The following SLC25A26 variants were observed in gnomAD, a reference collection of about 807,000 sequenced individuals.
SLC25A26 encodes the protein solute carrier family 25 member 26, also known as mitochondrial S-adenosylmethionine carrier protein.
Under a neutral mutation model 37.8 loss-of-function variants are expected in SLC25A26, and 36 were observed. The ratio of observed to expected loss-of-function variants is 0.95; its 90% CI spans 0.73 to 1.26. The LOEUF (loss-of-function observed/expected upper bound fraction) is 1.26. Among genes scored for constraint, SLC25A26 ranks in the 50% most tolerant of loss-of-function variants. The pLI, the probability that SLC25A26 is intolerant of heterozygous loss-of-function variation, is 0.00. For missense variants in SLC25A26, 390 were observed against 331.1 expected (o/e 1.18, Z -1.38); for synonymous variants, 129 against 122.5 (o/e 1.05, Z -0.35).
At chr3:66,156,116 G>T (rs947024246) in intron 1 of SLC25A26, among the ~76,000 whole-genome samples, 2 of 152,160 alleles carry the variant, frequency 1.3e-5, no homozygotes, top group African/African-American at 4.8e-5. Flanking sequence ...GGGAAAGCCA[G>T]GATACAAATT....
At chr3:66,362,758 A>G in intron 6 of SLC25A26, 102 bp from the exon 7 acceptor site, 1 of 667,024 alleles carries the variant, frequency 1.5e-6, no homozygotes, top group Non-Finnish European at 2.4e-6. Context: ...TGCCACCAAA[A>G]TAGCTTCTCA....
At chr3:66,289,595 C>T (rs1362547847) in intron 5 of SLC25A26, among the ~76,000 whole-genome samples, 1 of 151,660 alleles carries the variant, frequency 6.6e-6, no homozygotes, top group Non-Finnish European at 1.5e-5. Flanking sequence ...TCCCCCATTG[C>T]TTTTTTCAGG....
chr3:66,352,199 C>G (rs976924627), intron 6 of SLC25A26, among the ~76,000 whole-genome samples: 21 of 152,116 alleles, frequency 1.4e-4, no homozygotes, highest in African/African-American at 5.1e-4. Context: ...GAGTGAGACC[C>G]TGTCTCTTAA....
chr3:66,374,073 C>A, intron 9 of SLC25A26, among the ~76,000 whole-genome samples: 1 of 151,790 alleles, frequency 6.6e-6, no homozygotes, highest in Non-Finnish European at 1.5e-5. Context: ...CAGTTTTCTT[C>A]CATAGACCTG....
At chr3:66,344,004 A>G (rs2076266535) in intron 5 of SLC25A26, among the ~76,000 whole-genome samples, 1 of 152,178 alleles carries the variant, frequency 6.6e-6, no homozygotes, top group African/African-American at 2.4e-5. Flanking sequence ...TTATGATGAT[A>G]ACAAACTTCT....
At chr3:66,330,370 G>T (rs1273619976) in intron 5 of SLC25A26, among the ~76,000 whole-genome samples, 1 of 152,084 alleles carries the variant, frequency 6.6e-6, no homozygotes, top group Non-Finnish European at 1.5e-5. Flanking sequence ...TGTGACAACA[G>T]GTCAGCCAGA....
At chr3:66,175,791 G>T (rs2106742737) in intron 1 of SLC25A26, among the ~76,000 whole-genome samples, 1 of 152,250 alleles carries the variant, frequency 6.6e-6, no homozygotes, top group Middle Eastern at 3.4e-3. Context: ...TTCTATTCAG[G>T]CCTTCAACTG....
At position 66,377,706 on chromosome 3, in the gene SLC25A26, T is replaced by G; in HGVS notation, c.724T>G (p.Phe242Val). ...TTCCCCTAGATTATTTGCAGGTGTC[T>G]TCCCTCGAATGGCAGCCATCAGTCT... is the stretch of plus-strand genomic sequence containing the variant. The part of the protein sequence containing the change: ...QGLAGLFAGV[F>V]PRMAAISLGG... Residue 242 changes from phenylalanine (F) to valine (V), a missense_variant, in exon 10 of 10, where the codon TTC becomes GTC. Phe to Val is a conservative substitution (Grantham distance 50). Coordinates refer to ENST00000354883, the MANE Select transcript of SLC25A26 (RefSeq NM_001379210.1). 1 of 1,613,730 alleles carries G rather than the reference T, an allele frequency of 6.2e-7. No individual in the cohort carries two copies. Among genetic ancestry groups the G allele is most frequent in the Non-Finnish European group, 8.5e-7 (1 of 1,179,700 alleles).
chr3:66,161,886 A>G (rs1002789414), intron 1 of SLC25A26, among the ~76,000 whole-genome samples: 1 of 152,220 alleles, frequency 6.6e-6, no homozygotes, highest in Non-Finnish European at 1.5e-5. Context: ...AGACAATTCC[A>G]TATGATAGCT....
chr3:66,147,513 T>C (rs1291393495), intron 1 of SLC25A26, among the ~76,000 whole-genome samples: 1 of 152,044 alleles, frequency 6.6e-6, no homozygotes, highest in Non-Finnish European at 1.5e-5. Flanking sequence ...GTTGGTTTTA[T>C]ATCTTTGCAC....
At chr3:66,178,789 TAGAA>T (rs2070639292) in intron 1 of SLC25A26, among the ~76,000 whole-genome samples, 1 of 152,178 alleles carries the variant, frequency 6.6e-6, no homozygotes, top group Non-Finnish European at 1.5e-5. Context: ...GCAAGTAACA[TAGAA>T]AGAAAACCTT....
At chr3:66,186,504 T>C (rs1322738177) in intron 1 of SLC25A26, among the ~76,000 whole-genome samples, 5 of 151,958 alleles carry the variant, frequency 3.3e-5, no homozygotes, top group African/African-American at 1.2e-4. Context: ...ACTCTGACAT[T>C]GATCCTGAAC....
chr3:66,314,466 C>T (rs1021667972), intron 5 of SLC25A26, among the ~76,000 whole-genome samples: 6 of 151,946 alleles, frequency 3.9e-5, no homozygotes, highest in Admixed American at 6.6e-5. Flanking sequence ...GGGATGAAGC[C>T]GACTTGATCA....
chr3:66,220,321 T>C (rs782735277), upstream of SLC25A26, among the ~76,000 whole-genome samples: 3 of 152,220 alleles, frequency 2.0e-5, no homozygotes, highest in Non-Finnish European at 4.4e-5. Flanking sequence ...CCTTAATATA[T>C]ACAGAAGTTT....
At chr3:66,176,481 G>A (rs1317519917) in intron 1 of SLC25A26, among the ~76,000 whole-genome samples, 1 of 152,040 alleles carries the variant, frequency 6.6e-6, no homozygotes, top group East Asian at 1.9e-4. Context: ...TCGCAGCCTA[G>A]TAAATCAAAA....
chr3:66,227,785 A>C (rs1249815406), intron 1 of SLC25A26, among the ~76,000 whole-genome samples: 1 of 152,162 alleles, frequency 6.6e-6, no homozygotes, highest in Non-Finnish European at 1.5e-5. Flanking sequence ...GAACCACCTT[A>C]CAGGCAGTAG....
At chr3:66,346,713 T>TGC (rs1284376699) in intron 6 of SLC25A26, among the ~76,000 whole-genome samples, 1 of 122,316 alleles carries the variant, frequency 8.2e-6, no homozygotes, top group Admixed American at 9.0e-5. Context: ...TTTTGCTGTG[T>TGC]GCGTGTGTGT....
chr3:66,249,669 A>G (rs180756102), intron 3 of SLC25A26, among the ~76,000 whole-genome samples: 65 of 152,376 alleles, frequency 4.3e-4, no homozygotes, highest in Admixed American at 3.9e-3. Context: ...TCATCGATCA[A>G]TACAGATTAT....
chr3:66,209,894 C>CTCTATATATA (rs1553656243), intron 1 of SLC25A26, among the ~76,000 whole-genome samples: 3 of 13,182 alleles, frequency 2.3e-4, no homozygotes, highest in Non-Finnish European at 5.7e-4. Context: ...CTCTCTCTCT[C>CTCTATATATA]TATTTATATA....
Sources: allele counts gnomAD v4.1 joint callset (sites outside exome capture counted in the v4.1 genomes callset), GRCh38; gene constraint gnomAD v4.1.1; transcripts MANE v1.5; gene names NCBI Gene and HGNC (gene_info 2026-07-23, HGNC 2026-07-21).